XNDC1N: variants seen among roughly 807,000 people sequenced by gnomAD.
XNDC1N encodes protein XNDC1N.
the XNDC1N span, among the ~76,000 whole-genome samples, chr11:71,881,742 A>C: frequency 1.3e-5 from 2 of 152,228 alleles, no homozygotes; most frequent in African/African-American, 4.8e-5. Flanking sequence ...CAATGAATTC[A>C]TCAATAGACT....
chr11:71,893,310 T>C, the XNDC1N span: 2 of 512,206 alleles, frequency 3.9e-6, no homozygotes, highest in Admixed American at 3.3e-5. Flanking sequence ...AATTCTGAGA[T>C]TTTTGGAATT....
At chr11:71,917,125 C>T in the XNDC1N span, 9 of 308,468 alleles carry the variant, frequency 2.9e-5, no homozygotes, top group Admixed American at 1.4e-4. Flanking sequence ...GCAATTCTGC[C>T]GCCTCAGCCT....
At chr11:71,879,313 T>C in the XNDC1N span, among the ~76,000 whole-genome samples, 1 of 152,204 alleles carries the variant, frequency 6.6e-6, no homozygotes, top group Non-Finnish European at 1.5e-5. Context: ...CCACCTTAAT[T>C]TTTAACCACA....
chr11:71,898,612 C>CA, the XNDC1N span, among the ~76,000 whole-genome samples: 1 of 152,102 alleles, frequency 6.6e-6, no homozygotes, highest in African/African-American at 2.4e-5. Context: ...GTTTCCAAAA[C>CA]AAAACAATTA....
the XNDC1N span, among the ~76,000 whole-genome samples, chr11:71,925,775 G>A: frequency 2.0e-5 from 3 of 151,934 alleles, no homozygotes; most frequent in African/African-American, 7.3e-5. Flanking sequence ...AACTACTCGG[G>A]AGGCTGAGGC....
At chr11:71,903,786 A>T in the XNDC1N span, 2 of 357,228 alleles carry the variant, frequency 5.6e-6, no homozygotes, top group African/African-American at 2.1e-5. Flanking sequence ...AGGAACATCA[A>T]CATGTATTTC....
At chr11:71,914,736 A>G in the XNDC1N span, among the ~76,000 whole-genome samples, 1 of 152,096 alleles carries the variant, frequency 6.6e-6, no homozygotes, top group Non-Finnish European at 1.5e-5. Flanking sequence ...TAGAAATGGA[A>G]CATGAGGATG....
At chr11:71,891,364 C>T in the XNDC1N span, among the ~76,000 whole-genome samples, 1 of 151,806 alleles carries the variant, frequency 6.6e-6, no homozygotes, top group East Asian at 2.0e-4. Context: ...GGTGTGTTCA[C>T]CCCCTGCGAT....
At chr11:71,908,812 A>C in the XNDC1N span, among the ~76,000 whole-genome samples, 1 of 152,326 alleles carries the variant, frequency 6.6e-6, no homozygotes, top group South Asian at 2.1e-4. Context: ...AAGTGGCTAG[A>C]GGAACATGCA....
chr11:71,899,877 CCTG>C, the XNDC1N span, among the ~76,000 whole-genome samples: 1 of 152,152 alleles, frequency 6.6e-6, no homozygotes, highest in South Asian at 2.1e-4. Context: ...GCCCCTGTCT[CCTG>C]CCTGCCCCTG....
At chr11:71,928,206 G>A in the XNDC1N span, among the ~76,000 whole-genome samples, 1 of 152,204 alleles carries the variant, frequency 6.6e-6, no homozygotes, top group Non-Finnish European at 1.5e-5. Flanking sequence ...GTGCCCTGGA[G>A]GTCCCGCAAG....
the XNDC1N span, among the ~76,000 whole-genome samples, chr11:71,888,654 G>A: frequency 1.3e-5 from 2 of 152,158 alleles, no homozygotes; most frequent in African/African-American, 4.8e-5. Context: ...CCCCCCTGTT[G>A]GAGGGCCTTG....
the XNDC1N span, among the ~76,000 whole-genome samples, chr11:71,885,695 C>T: frequency 6.6e-6 from 1 of 151,852 alleles, no homozygotes; most frequent in Admixed American, 6.6e-5. Flanking sequence ...TGAATTATAC[C>T]TCATTTATTA....
the XNDC1N span, among the ~76,000 whole-genome samples, chr11:71,868,858 T>A: frequency 6.6e-6 from 1 of 152,158 alleles, no homozygotes; most frequent in Non-Finnish European, 1.5e-5. Context: ...ATGGAAGATA[T>A]CCTCAAATAT....
At chr11:71,913,191 T>C in the XNDC1N span, among the ~76,000 whole-genome samples, 1 of 152,092 alleles carries the variant, frequency 6.6e-6, no homozygotes, top group African/African-American at 2.4e-5. Context: ...ACCTGCGATA[T>C]TGGGAGTCAT....
chr11:71,869,600 C>G, the XNDC1N span, among the ~76,000 whole-genome samples: 9 of 152,166 alleles, frequency 5.9e-5, no homozygotes, highest in African/African-American at 2.2e-4. Context: ...TCTATCAGAT[C>G]AGTTTTGTTC....
chr11:71,890,068 G>A, the XNDC1N span, among the ~76,000 whole-genome samples: 1 of 152,182 alleles, frequency 6.6e-6, no homozygotes, highest in Non-Finnish European at 1.5e-5. Flanking sequence ...CGGAAAGGTG[G>A]AGTGGATGAA....
chr11:71,927,368 T>A, the XNDC1N span, among the ~76,000 whole-genome samples: 4 of 152,010 alleles, frequency 2.6e-5, no homozygotes, highest in African/African-American at 9.7e-5. Flanking sequence ...GCTAAAAATA[T>A]GAAATTTCCC....
At chr11:71,896,361 G>C in the XNDC1N span, among the ~76,000 whole-genome samples, 7 of 152,218 alleles carry the variant, frequency 4.6e-5, no homozygotes, top group Non-Finnish European at 1.0e-4. Context: ...GGGTGAGATA[G>C]GGAATGAAGA....
Sources: gnomAD v4.1 joint callset for allele counts (sites outside exome capture counted in the v4.1 genomes callset) on GRCh38, gnomAD v4.1.1 for gene constraint, MANE v1.5 for transcripts, NCBI Gene and HGNC (gene_info 2026-07-23, HGNC 2026-07-21) for gene names.